The following PTPRD variants were observed in gnomAD, a reference collection of about 807,000 sequenced individuals.
PTPRD encodes protein tyrosine phosphatase receptor type D, also known as receptor-type tyrosine-protein phosphatase delta.
A neutral mutation model predicts 214.5 loss-of-function variants in PTPRD; 34 were observed. That is an observed-to-expected ratio of 0.16 (90% CI 0.12 to 0.21). The LOEUF is 0.21. Among genes scored for constraint, PTPRD ranks in the 10% least tolerant of loss-of-function variants. The pLI, the probability that PTPRD is intolerant of heterozygous loss-of-function variation, is 1.00. For synonymous variants in PTPRD, 1,128 were observed against 845.7 expected (o/e 1.33, Z -5.79); for missense variants, 2,545 against 2,398.7 (o/e 1.06, Z -1.27).
At chr9:9,798,750 G>A (rs572063328) in intron 5 of PTPRD, among the ~76,000 whole-genome samples, 2 of 152,278 alleles carry the variant, frequency 1.3e-5, no homozygotes, top group Admixed American at 6.5e-5. Flanking sequence ...GTTGCTGAGA[G>A]CGCAGGTAAA....
At chr9:8,358,401 C>T (rs2077503038) in intron 39 of PTPRD, among the ~76,000 whole-genome samples, 1 of 152,010 alleles carries the variant, frequency 6.6e-6, no homozygotes, top group African/African-American at 2.4e-5. Context: ...AGCAAATGGT[C>T]TTTGATGTGA....
At chr9:8,511,403 T>C (rs1039911408) in intron 21 of PTPRD, among the ~76,000 whole-genome samples, 5 of 152,032 alleles carry the variant, frequency 3.3e-5, no homozygotes, top group Non-Finnish European at 7.4e-5. Flanking sequence ...GCTCTTGTAA[T>C]CACTACACAT....
intron 11 of PTPRD, among the ~76,000 whole-genome samples, chr9:8,739,410 A>C (rs922145538): frequency 6.6e-6 from 1 of 152,224 alleles, no homozygotes; most frequent in Non-Finnish European, 1.5e-5. Flanking sequence ...ATCTGCATTG[A>C]CTAATAATTG....
chr9:9,167,142 T>C (rs1282126794), intron 10 of PTPRD, among the ~76,000 whole-genome samples: 2 of 152,136 alleles, frequency 1.3e-5, no homozygotes, highest in Non-Finnish European at 2.9e-5. Flanking sequence ...ATCAGAACTA[T>C]GTCTCCTCAT....
At chr9:10,331,034 T>G (rs2096740548) in intron 3 of PTPRD, among the ~76,000 whole-genome samples, 1 of 151,814 alleles carries the variant, frequency 6.6e-6, no homozygotes, top group Non-Finnish European at 1.5e-5. Flanking sequence ...CAATCATTCT[T>G]CCTTCCTAAT....
intron 4 of PTPRD, among the ~76,000 whole-genome samples, chr9:9,998,115 T>TAAA (rs1158744931): frequency 1.4e-4 from 15 of 105,808 alleles, no homozygotes; most frequent in African/African-American, 4.9e-4. Context: ...TAAAGTATAA[T>TAAA]AAAAAAAAAA....
Position 9,563,826 on chromosome 9 carries a change from C to A in PTPRD, c.-237+10906G>T, listed in dbSNP as rs2083585292. On this transcript the variant is annotated intron_variant, in intron 8 of 45. Transcript: ENST00000381196. The stretch of plus-strand genomic sequence containing the variant: ...TCATACTATAGAACTAGAATTGACT[C>A]ATATTGACAACCAACATGCTTTACC... 2.0e-5 allele frequency among the ~76,000 whole-genome samples: 3 copies of A among 152,144 alleles called. No individual in the cohort carries two copies. The South Asian group carries it at 6.2e-4, about 32-fold the overall frequency.
chr9:8,769,083 T>A (rs2094992376), intron 11 of PTPRD, among the ~76,000 whole-genome samples: 1 of 152,202 alleles, frequency 6.6e-6, no homozygotes, highest in Non-Finnish European at 1.5e-5. Flanking sequence ...CAATGATTTA[T>A]GAATCACCCA....
chr9:9,773,475 G>C (rs1203177090), intron 5 of PTPRD, among the ~76,000 whole-genome samples: 1 of 152,074 alleles, frequency 6.6e-6, no homozygotes, highest in Non-Finnish European at 1.5e-5. Context: ...TTCTCATTTG[G>C]AGGATCAAAA....
At chr9:10,352,491 G>C (rs1413858927) in intron 2 of PTPRD, among the ~76,000 whole-genome samples, 1 of 151,980 alleles carries the variant, frequency 6.6e-6, no homozygotes, top group Non-Finnish European at 1.5e-5. Flanking sequence ...CATCACCTTT[G>C]CAGACAGAGC....
chr9:8,835,880 ATAT>A (rs1419146420), intron 11 of PTPRD, among the ~76,000 whole-genome samples: 2 of 151,998 alleles, frequency 1.3e-5, no homozygotes, highest in Admixed American at 6.6e-5. Context: ...TTCATTTTAC[ATAT>A]TATTATATAT....
intron 7 of PTPRD, among the ~76,000 whole-genome samples, chr9:9,667,808 G>A (rs1366899763): frequency 9.2e-5 from 14 of 152,162 alleles, no homozygotes. Context: ...GAGGTCTGTA[G>A]GGTAGGACAG....
chr9:8,909,792 TAGACAGAGATAG>T (rs944937170), intron 11 of PTPRD, among the ~76,000 whole-genome samples: 24 of 133,098 alleles, frequency 1.8e-4, no homozygotes, highest in African/African-American at 5.9e-4. Context: ...GAGATAGAGA[TAGACAGAGATAG>T]AGACAGAGAT....
intron 9 of PTPRD, among the ~76,000 whole-genome samples, chr9:9,257,162 G>A (rs781442511): frequency 2.6e-5 from 4 of 151,786 alleles, no homozygotes; most frequent in South Asian, 2.1e-4. Context: ...TTTTGTGGGG[G>A]GTAGAAAACA....
At chr9:8,889,508 G>T (rs2098519522) in intron 11 of PTPRD, among the ~76,000 whole-genome samples, 1 of 151,822 alleles carries the variant, frequency 6.6e-6, no homozygotes, top group African/African-American at 2.4e-5. Context: ...GGTGGTTTTT[G>T]GCTACATGGA....
chr9:9,121,595 C>A (rs1238334823), intron 10 of PTPRD, among the ~76,000 whole-genome samples: 1 of 152,114 alleles, frequency 6.6e-6, no homozygotes, highest in African/African-American at 2.4e-5. Flanking sequence ...ATTGTATGTT[C>A]TCACTGATTT....
At chr9:10,250,765 T>G (rs1344062267) in intron 3 of PTPRD, among the ~76,000 whole-genome samples, 1 of 152,006 alleles carries the variant, frequency 6.6e-6, no homozygotes, top group Non-Finnish European at 1.5e-5. Flanking sequence ...GGGAAGAAAC[T>G]GTTTATATGT....
At chr9:9,722,686 A>G (rs951273379) in intron 7 of PTPRD, among the ~76,000 whole-genome samples, 4 of 152,076 alleles carry the variant, frequency 2.6e-5, no homozygotes, top group African/African-American at 9.7e-5. Flanking sequence ...TCCCACCAGC[A>G]ATTGATAACA....
chr9:9,811,097 G>C (rs562033953), intron 5 of PTPRD, among the ~76,000 whole-genome samples: 1 of 152,174 alleles, frequency 6.6e-6, no homozygotes, highest in South Asian at 2.1e-4. Context: ...AATTAGCTGG[G>C]CATGGTGGTG....
Sources: gnomAD v4.1 joint callset for allele counts (sites outside exome capture counted in the v4.1 genomes callset) on GRCh38, gnomAD v4.1.1 for gene constraint, MANE v1.5 for transcripts, NCBI Gene and HGNC (gene_info 2026-07-23, HGNC 2026-07-21) for gene names.